The following GREB1L variants were observed in gnomAD, a reference collection of about 807,000 sequenced individuals.
GREB1L encodes GREB1-like protein.
Under a neutral mutation model 200.8 loss-of-function variants are expected in GREB1L, and 17 were observed. The ratio of observed to expected loss-of-function variants is 0.08; its 90% CI spans 0.06 to 0.13. The LOEUF is 0.13. Among genes scored for constraint, GREB1L ranks in the 10% least tolerant of loss-of-function variants. The pLI, the probability that GREB1L is intolerant of heterozygous loss-of-function variation, is 1.00. For synonymous variants in GREB1L, 789 were observed against 893.0 expected (o/e 0.88, Z 2.08); for missense variants, 1,657 against 2,367.7 (o/e 0.70, Z 6.23).
chr18:21,452,261 C>T, intron 14 of GREB1L, 44 bp downstream of exon 14: 1 of 1,532,488 alleles, frequency 6.5e-7, no homozygotes, highest in Non-Finnish European at 8.8e-7. Flanking sequence ...GTCCTTGGGA[C>T]AGACATTGTA....
chr18:21,329,016 A>G (rs2039066386), intron 1 of GREB1L, among the ~76,000 whole-genome samples: 1 of 152,090 alleles, frequency 6.6e-6, no homozygotes, highest in Admixed American at 6.6e-5. Context: ...TGTAAGCACA[A>G]TTAGACTTAA....
In GREB1L at chr18:21,499,939, C is replaced by T. The variant is rs1416342276; in HGVS notation, c.3602C>T (p.Pro1201Leu). 2.6e-6 allele frequency: 4 copies of T among 1,550,324 alleles called. No individual in the cohort carries two copies. The highest frequency in any genetic ancestry group is 1.2e-5 in the South Asian group (1 of 83,980). ...ATGGCGAGCAGCACCACCTCCAAGC[C>T]GTCATCATCATCCTCAGGACCCAGG... ...PQMASSTTSK[P>L]SSSSSGPRTL... Residue 1201 changes from proline (P) to leucine (L), a missense_variant, in exon 22 of 33, where the codon CCG (proline) becomes CTG (leucine). Around this residue, in one of 9 missense-constraint regions of GREB1L, gnomAD observed 512 missense variants for 668.3 expected, o/e 0.77. Transcript: ENST00000424526.
rs1217154879 is a variant in GREB1L at position 21,395,440 on chromosome 18, T to C, written c.411T>C (p.Ile137=). 6.4e-7 allele frequency: 1 copy of C among 1,551,280 alleles called. No individual in the cohort carries two copies. Among genetic ancestry groups the C allele is most frequent in the Non-Finnish European group, 8.7e-7 (1 of 1,146,836 alleles). The change falls in exon 5 of 33, where the codon ATT becomes ATC. Residue 137 remains isoleucine (I), a synonymous_variant. Coordinates refer to ENST00000424526, the MANE Select transcript of GREB1L (RefSeq NM_001142966.3). ...TGGTATCACTGTGTATGGAACAAAT[T>C]GACATCCCAGCAGGATTCCTCCTGG... ...LRLVSLCMEQ[I]DIPAGFLLVG... is the part of the protein sequence containing the mutation.
intron 1 of GREB1L, among the ~76,000 whole-genome samples, chr18:21,278,809 T>A (rs1453454525): frequency 4.6e-5 from 7 of 152,196 alleles, no homozygotes; most frequent in Non-Finnish European, 7.3e-5. Context: ...GATTATGTAT[T>A]TTTAAAATTC....
rs532500084 is a variant in GREB1L, at chr18:21,432,186, G to A, written c.833-7335G>A. On this transcript the variant is annotated intron_variant, in intron 7 of 32. Coordinates refer to ENST00000424526, the MANE Select transcript of GREB1L (RefSeq NM_001142966.3). ...GATCCGCCCACCTCGGCCTCCCAAA[G>A]TCCTGGGATTACAGGCGTGAGCCAC... 2.7e-3 allele frequency among the ~76,000 whole-genome samples: 408 copies of A among 152,128 alleles called. 2 individuals are homozygous for A. The highest frequency in any genetic ancestry group is 4.9e-3 in the Non-Finnish European group (335 of 67,976).
At chr18:21,349,502 C>A (rs2039402684) in intron 1 of GREB1L, among the ~76,000 whole-genome samples, 1 of 152,148 alleles carries the variant, frequency 6.6e-6, no homozygotes, top group African/African-American at 2.4e-5. Context: ...GCAAGGATCC[C>A]CAGTCCCCTG....
chr18:21,498,505 T>C (rs1387504625), intron 21 of GREB1L, among the ~76,000 whole-genome samples: 3 of 152,160 alleles, frequency 2.0e-5, no homozygotes, highest in African/African-American at 7.2e-5. Context: ...CTGGAAGCTT[T>C]TGGATACCAG....
At chr18:21,454,261 G>C in intron 14 of GREB1L, 105 bp from the exon 15 acceptor site, 1 of 712,178 alleles carries the variant, frequency 1.4e-6, no homozygotes, top group Non-Finnish European at 2.4e-6. Context: ...CGTAGTGAGA[G>C]TGTATTACAT....
At chr18:21,438,297 G>A (rs1257954609) in intron 7 of GREB1L, among the ~76,000 whole-genome samples, 1 of 152,046 alleles carries the variant, frequency 6.6e-6, no homozygotes, top group East Asian at 1.9e-4. Flanking sequence ...AAAAAAGAAA[G>A]TATTAATCAC....
intron 1 of GREB1L, among the ~76,000 whole-genome samples, chr18:21,243,075 C>G (rs558685137): frequency 6.6e-6 from 1 of 152,188 alleles, no homozygotes; most frequent in Admixed American, 6.5e-5. Flanking sequence ...GAGGACCACT[C>G]TTATTCCGAA....
In GREB1L at chr18:21,346,644, T is replaced by C. The variant is rs561046308; in HGVS notation, c.-119-19383T>C. On this transcript the variant is annotated intron_variant, in intron 1 of 32. Coordinates refer to ENST00000424526, the MANE Select transcript of GREB1L (RefSeq NM_001142966.3). ...AGCCCTTTCTCCTGTCCTAATTAGG[T>C]TTACATTTGTCTGCAAATGACAGGA... Among the ~76,000 whole-genome samples the C allele has an allele frequency of 8.5e-5, 13 of 152,268 alleles. 1 individual carries two copies. The East Asian group carries it at 1.9e-3, about 23-fold the overall frequency.
intron 16 of GREB1L, among the ~76,000 whole-genome samples, chr18:21,473,731 A>G (rs920847998): frequency 6.6e-6 from 1 of 152,104 alleles, no homozygotes; most frequent in Non-Finnish European, 1.5e-5. Flanking sequence ...TGTTAACTAC[A>G]TATATTAGTC....
In GREB1L at chr18:21,324,515, T is replaced by C. The variant is rs1358463390; in HGVS notation, c.-119-41512T>C. ...AACTTTTTTGTTTTAATCTTTATCA[T>C]TAAAAAATGCTTCTGGCCGGGTGTG... On this transcript the variant is annotated intron_variant, in intron 1 of 32. Coordinates refer to ENST00000424526, the MANE Select transcript of GREB1L (RefSeq NM_001142966.3). 1.3e-5 allele frequency among the ~76,000 whole-genome samples: 2 copies of C among 152,220 alleles called. 1 individual carries two copies. The highest frequency in any genetic ancestry group is 3.8e-4 in the East Asian group (2 of 5,202).
Position 21,379,997 on chromosome 18 carries a change from C to T in GREB1L, c.-9-3513C>T, listed in dbSNP as rs2040237398. 2.0e-5 allele frequency among the ~76,000 whole-genome samples: 3 copies of T among 152,068 alleles called. No homozygotes were observed. The South Asian group carries it at 6.2e-4, about 32-fold the overall frequency. ...ATGCAACTTGTAATTGGGTATTGTA[C>T]ATTTTGAGTATAAACTTTTTGTAAA... On this transcript the variant is annotated intron_variant, in intron 2 of 32. Transcript: ENST00000424526.
At chr18:21,367,993 A>G (rs1200001037) in intron 2 of GREB1L, among the ~76,000 whole-genome samples, 1 of 152,198 alleles carries the variant, frequency 6.6e-6, no homozygotes, top group Non-Finnish European at 1.5e-5. Context: ...CAGTATTTTG[A>G]TATTCCAGTT....
At chr18:21,294,280 T>G (rs1342215268) in intron 1 of GREB1L, among the ~76,000 whole-genome samples, 1 of 152,070 alleles carries the variant, frequency 6.6e-6, no homozygotes, top group Non-Finnish European at 1.5e-5. Context: ...GCTCTAGAAA[T>G]TCACAGTCAA....
At chr18:21,373,320 T>G (rs943496925) in intron 2 of GREB1L, among the ~76,000 whole-genome samples, 1 of 152,172 alleles carries the variant, frequency 6.6e-6, no homozygotes, top group Non-Finnish European at 1.5e-5. Context: ...ATTTTATAAT[T>G]CTGTCATTCT....
intron 1 of GREB1L, among the ~76,000 whole-genome samples, chr18:21,295,017 A>G (rs558997107): frequency 2.0e-5 from 3 of 152,268 alleles, no homozygotes; most frequent in South Asian, 4.1e-4. Context: ...CTAATTTCAT[A>G]TTTAAAATAT....
intron 2 of GREB1L, among the ~76,000 whole-genome samples, chr18:21,383,203 A>T (rs1456013089): frequency 3.3e-5 from 5 of 152,126 alleles, no homozygotes; most frequent in Admixed American, 1.3e-4. Flanking sequence ...GTTGGGATTC[A>T]TGACTGACAG....
Sources: allele counts gnomAD v4.1 joint callset (sites outside exome capture counted in the v4.1 genomes callset), GRCh38; gene constraint gnomAD v4.1.1; regional missense constraint gnomAD v4.1.1; transcripts MANE v1.5; gene names NCBI Gene and HGNC (gene_info 2026-07-23, HGNC 2026-07-21).